The following RAB18 variants were observed in gnomAD, a reference collection of about 807,000 sequenced individuals.
RAB18 encodes ras-related protein Rab-18.
RAB18 carries 10 observed loss-of-function variants against 28.5 expected under a neutral mutation model. The observed-to-expected ratio is 0.35, with a 90% confidence interval of 0.22 to 0.60. RAB18 has a LOEUF of 0.60. Among genes scored for constraint, RAB18 ranks in the 20% least tolerant of loss-of-function variants. The pLI is 0.78. For missense variants in RAB18, 188 were observed against 244.2 expected (o/e 0.77, Z 1.53); for synonymous variants, 93 against 86.9 (o/e 1.07, Z -0.39).
rs1346169896 is a variant in RAB18, at chr10:27,537,931, A to G, written c.501A>G (p.Glu167=). 25 of 1,613,960 alleles carry G rather than the reference A, an allele frequency of 1.5e-5. No homozygotes were observed. Among genetic ancestry groups the G allele is most frequent in the Non-Finnish European group, 2.0e-5 (24 of 1,180,002 alleles). ...AATGTGCCTTTGAAGAACTTGTTGA[A>G]AAGATCATTCAGACCCCTGGACTGT... ...GVQCAFEELV[E]KIIQTPGLWE... Residue 167 remains glutamate, a synonymous_variant, in exon 7 of 7, where the codon GAA becomes GAG. Coordinates refer to ENST00000356940, the MANE Select transcript of RAB18 (RefSeq NM_021252.5).
chr10:27,529,919 T>G (rs1834753673), intron 3 of RAB18, among the ~76,000 whole-genome samples: 1 of 152,020 alleles, frequency 6.6e-6, no homozygotes. Context: ...CTGGCCTAAT[T>G]ATTAATAAAT....
chr10:27,507,104 A>T (rs1199074943), intron 1 of RAB18, among the ~76,000 whole-genome samples: 1 of 152,060 alleles, frequency 6.6e-6, no homozygotes, highest in Non-Finnish European at 1.5e-5. Flanking sequence ...TAGTACAAAA[A>T]CATTTGCTGT....
chr10:27,517,192 G>A (rs987973000), intron 2 of RAB18, among the ~76,000 whole-genome samples: 94 of 151,966 alleles, frequency 6.2e-4, no homozygotes, highest in African/African-American at 2.2e-3. Context: ...GTGAAACCCT[G>A]TCTCTACTAA....
chr10:27,518,683 T>C lies in RAB18; in HGVS notation c.125-8145T>C, dbSNP rs182002943. Among the ~76,000 whole-genome samples the C allele has an allele frequency of 4.1e-4, 63 of 152,260 alleles. No homozygotes were observed. In the Middle Eastern group the frequency reaches 0.01, roughly 25 times the overall value. On this transcript the variant is annotated intron_variant, in intron 2 of 6. Transcript: ENST00000356940. ...CATTTAAGTCTGTTATTAGATGATA[T>C]ATGCTTTGCAAATGTTTTCCTCCCA... is the stretch of plus-strand genomic sequence containing the variant.
intron 6 of RAB18, 90 bp from the exon 7 acceptor site, chr10:27,537,786 G>A (rs1269313490): frequency 8.9e-7 from 1 of 1,125,232 alleles, no homozygotes. Context: ...ATTGTAGGCT[G>A]ATATTTATGC....
chr10:27,507,463 A>G (rs1837869840), intron 1 of RAB18, among the ~76,000 whole-genome samples: 1 of 151,902 alleles, frequency 6.6e-6, no homozygotes, highest in African/African-American at 2.4e-5. Context: ...TAAGGTAAAG[A>G]GTAGCAGAAT....
intron 2 of RAB18, among the ~76,000 whole-genome samples, chr10:27,523,087 C>T (rs1834594235): frequency 6.6e-6 from 1 of 151,864 alleles, no homozygotes; most frequent in African/African-American, 2.4e-5. Flanking sequence ...AAGCCTAGGT[C>T]ATTGATTTTA....
intron 1 of RAB18, among the ~76,000 whole-genome samples, chr10:27,506,059 A>G (rs185031536): frequency 1.2e-3 from 183 of 152,222 alleles, no homozygotes; most frequent in African/African-American, 4.3e-3. Context: ...AAAAAGTTAA[A>G]CGTTGTCTTA....
chr10:27,539,938 C>G lies in RAB18; in HGVS notation c.*1887C>G, dbSNP rs1479717819. 1 of 453,116 alleles carries G rather than the reference C, an allele frequency of 2.2e-6. No individual in the cohort carries two copies. The allele number at this position is 453,116 out of a possible 1,614,324, so 28.1% of individuals were successfully genotyped here. On this transcript the variant is annotated 3_prime_UTR_variant, in exon 7 of 7. Coordinates refer to ENST00000356940, the MANE Select transcript of RAB18 (RefSeq NM_021252.5). ...TGGCTTTCATTTTGTTGTTTTGTTG[C>G]AAGCTTAGTGTTTTGTAGTGGAGGT...
chr10:27,528,359 A>G (rs766953525), intron 3 of RAB18: 31 of 478,594 alleles, frequency 6.5e-5, no homozygotes, highest in South Asian at 4.5e-4. Context: ...GGGTCATTCT[A>G]AAAGGGATAA....
chr10:27,521,447 A>G (rs1834551144), intron 2 of RAB18, among the ~76,000 whole-genome samples: 1 of 152,238 alleles, frequency 6.6e-6, no homozygotes, highest in African/African-American at 2.4e-5. Flanking sequence ...ATATGGAACC[A>G]GCCCAAATGC....
Position 27,542,099 on chromosome 10 carries a change from A to G in RAB18, c.*4048A>G. Reference sequence around the variant, plus strand: ...GCAGCTCGTTTTTCTAATATAAAGGAACCAGCCTGAGGCAGTACCAGGGTG... The same window carrying G: ...GCAGCTCGTTTTTCTAATATAAAGGGACCAGCCTGAGGCAGTACCAGGGTG... On this transcript the variant is annotated 3_prime_UTR_variant, in exon 7 of 7. Coordinates refer to ENST00000356940, the MANE Select transcript of RAB18 (RefSeq NM_021252.5). 1 of 454,090 alleles carries G rather than the reference A, an allele frequency of 2.2e-6. No individual in the cohort carries two copies. The highest frequency in any genetic ancestry group is 4.4e-6 in the Non-Finnish European group (1 of 226,774). 28.1% of individuals were successfully genotyped at this position (454,090 alleles called of 1,614,324 possible). A position where few individuals can be genotyped will look rare whatever the true frequency, so the allele number is the denominator to read the frequency against.
chr10:27,511,646 G>GGTTATGCA (rs754289656), intron 2 of RAB18, among the ~76,000 whole-genome samples: 7 of 152,134 alleles, frequency 4.6e-5, no homozygotes, highest in Non-Finnish European at 1.0e-4. Context: ...GTTAGATTCA[G>GGTTATGCA]GTTATGCAGT....
chr10:27,536,828 G>A (rs563693935), intron 6 of RAB18, among the ~76,000 whole-genome samples: 27 of 152,226 alleles, frequency 1.8e-4, no homozygotes, highest in Non-Finnish European at 3.5e-4. Flanking sequence ...GATTTCAGTG[G>A]AGTGGTGGGA....
chr10:27,511,114 A>G (rs1834314540), intron 2 of RAB18, among the ~76,000 whole-genome samples: 2 of 152,234 alleles, frequency 1.3e-5, no homozygotes, highest in African/African-American at 4.8e-5. Context: ...TTAATGTCCC[A>G]TATAGCAAAA....
rs773809598 is a variant in RAB18, at chr10:27,533,938, A to G, written c.389A>G (p.Glu130Gly). The G allele has an allele frequency of 6.2e-7, 1 of 1,610,474 alleles. No homozygotes were observed. The highest frequency in any genetic ancestry group is 8.5e-7 in the Non-Finnish European group (1 of 1,176,800). The change falls in exon 6 of 7, where the codon GAA becomes GGA. Residue 130 changes from glutamate to glycine, a missense_variant. Glu to Gly is a moderately conservative substitution (Grantham distance 98). Transcript: ENST00000356940. The stretch of plus-strand genomic sequence containing the variant: ...GCATTTATATTTTAGGAAAATCGTG[A>G]AGTCGATAGAAATGAAGGCCTGAAA... ...VGNKIDKENR[E>G]VDRNEGLKFA... is the part of the protein sequence containing the mutation.
At position 27,538,096 on chromosome 10, in the gene RAB18, A is replaced by G; in HGVS notation, c.*45A>G. 3.1e-6 allele frequency: 5 copies of G among 1,608,260 alleles called. No individual in the cohort carries two copies. Among genetic ancestry groups the G allele is most frequent in the Non-Finnish European group, 4.3e-6 (5 of 1,174,710 alleles). Reference sequence around the variant, plus strand: ...CTTGCATATTTGATCAGATAGTGACATCTTTCTGTATATAAACTCTTTAAC... The same window carrying G: ...CTTGCATATTTGATCAGATAGTGACGTCTTTCTGTATATAAACTCTTTAAC... On this transcript the variant is annotated 3_prime_UTR_variant, in exon 7 of 7. Transcript: ENST00000356940.
chr10:27,538,997 G>T lies in RAB18; in HGVS notation c.*946G>T, dbSNP rs561667494. On this transcript the variant is annotated 3_prime_UTR_variant, in exon 7 of 7. Transcript: ENST00000356940. The stretch of plus-strand genomic sequence containing the variant: ...ACCTATTTCTGTGTTTTGAGGGGTG[G>T]GGAAAAAAAACACTAAGTGATAATT... 1.6e-4 allele frequency: 68 copies of T among 427,520 alleles called. No individual in the cohort carries two copies. Among genetic ancestry groups the T allele is most frequent in the African/African-American group, 1.3e-3 (65 of 48,538 alleles). The allele number at this position is 427,520 out of a possible 1,614,324, so 26.5% of individuals were successfully genotyped here. A position where few individuals can be genotyped will look rare whatever the true frequency, so the allele number is the denominator to read the frequency against.
At position 27,509,864 on chromosome 10, in the gene RAB18, A is replaced by G; in HGVS notation, c.69-11A>G. 2 of 1,609,090 alleles carry G rather than the reference A, an allele frequency of 1.2e-6. No individual in the cohort carries two copies. The highest frequency in any genetic ancestry group is 1.7e-6 in the Non-Finnish European group (2 of 1,175,998). The stretch of plus-strand genomic sequence containing the variant: ...CAAGTTCCCAACCTGTCTTTTTAAT[A>G]TCTCTTTCAGCCTGCTCTTGAGGTT... On this transcript the variant is annotated splice_polypyrimidine_tract_variant and intron_variant, in intron 1 of 6. Transcript: ENST00000356940.
Sources: gnomAD v4.1 joint callset for allele counts (sites outside exome capture counted in the v4.1 genomes callset) on GRCh38, gnomAD v4.1.1 for gene constraint, MANE v1.5 for transcripts, NCBI Gene and HGNC (gene_info 2026-07-23, HGNC 2026-07-21) for gene names.